Variants in FHIT observed in about 807,000 individuals in gnomAD.
The protein encoded by FHIT is bis(5'-adenosyl)-triphosphatase.
FHIT carries 19 observed loss-of-function variants against 17.9 expected under a neutral mutation model. The observed-to-expected ratio is 1.06, with a 90% CI of 0.74 to 1.56. The LOEUF is 1.56. FHIT is among the 40% of genes most tolerant of loss of function. FHIT has a pLI of 0.00. For missense variants in FHIT, 248 were observed against 189.2 expected, an observed-to-expected ratio of 1.31 and a Z score of -1.82; for synonymous variants, 81 against 69.7, an observed-to-expected ratio of 1.16 and a Z score of -0.81.
At chr3:61,163,206 A>G (rs1188776740) in intron 2 of FHIT, among the ~76,000 whole-genome samples, 1 of 152,144 alleles carries the variant, frequency 6.6e-6, no homozygotes, top group Non-Finnish European at 1.5e-5. Context: ...GCACAATTAT[A>G]GCCTCCATAA....
chr3:59,800,871 G>A (rs1699966095), intron 8 of FHIT, among the ~76,000 whole-genome samples: 1 of 152,134 alleles, frequency 6.6e-6, no homozygotes, highest in Non-Finnish European at 1.5e-5. Context: ...AGAGGGAAGG[G>A]AAGAAGAAAA....
rs3038041 is a variant in FHIT at position 60,732,684 on chromosome 3, C to CTTTTT, written c.-18+89230_-18+89234dup. The stretch of plus-strand genomic sequence containing the variant: ...GCAGTGGCAGCGTCTGCAAAGACTG[C>CTTTTT]TTTTTTTTTTTTTTTTTTTTTTGAC... On this transcript the variant is annotated intron_variant, in intron 4 of 9. Coordinates refer to ENST00000492590, the MANE Select transcript of FHIT (RefSeq NM_002012.4). The CTTTTT allele has an allele frequency of 7.9e-3, 1,400 of 178,310 alleles. 7 individuals carry two copies. The highest frequency in any genetic ancestry group is 9.7e-3 in the Non-Finnish European group (954 of 98,652). 11.0% of individuals were successfully genotyped at this position (178,310 alleles called of 1,614,324 possible). A position where few individuals can be genotyped will look rare whatever the true frequency, so the allele number is the denominator to read the frequency against.
intron 2 of FHIT, among the ~76,000 whole-genome samples, chr3:61,042,888 G>C (rs1216958727): frequency 6.6e-6 from 1 of 152,124 alleles, no homozygotes; most frequent in Non-Finnish European, 1.5e-5. Flanking sequence ...AGGATACCTG[G>C]AGTTCCCACT....
chr3:59,845,470 T>G (rs1481226425), intron 8 of FHIT, among the ~76,000 whole-genome samples: 1 of 152,136 alleles, frequency 6.6e-6, no homozygotes, highest in African/African-American at 2.4e-5. Flanking sequence ...GGATATGTTG[T>G]GTTTTTGTTT....
At chr3:60,902,200 T>C (rs1553763340) in intron 3 of FHIT, among the ~76,000 whole-genome samples, 2 of 152,198 alleles carry the variant, frequency 1.3e-5, no homozygotes, top group Non-Finnish European at 2.9e-5. Flanking sequence ...CTCTGGCAAC[T>C]GCTGATTTGT....
At chr3:59,860,088 G>A (rs1032764075) in intron 8 of FHIT, among the ~76,000 whole-genome samples, 3 of 152,166 alleles carry the variant, frequency 2.0e-5, no homozygotes, top group African/African-American at 7.2e-5. Flanking sequence ...GGATACCGCA[G>A]TTCTTGCTAC....
At chr3:61,244,993 TCTC>T (rs1484157005) in intron 1 of FHIT, among the ~76,000 whole-genome samples, 51 of 152,220 alleles carry the variant, frequency 3.4e-4, no homozygotes, top group African/African-American at 1.1e-3. Flanking sequence ...AAAAGATACT[TCTC>T]CTCCCCGACC....
At chr3:60,438,810 T>A (rs1203333712) in intron 5 of FHIT, among the ~76,000 whole-genome samples, 3 of 152,140 alleles carry the variant, frequency 2.0e-5, no homozygotes, top group Admixed American at 6.6e-5. Flanking sequence ...CATAATGATG[T>A]CCGTGGTACC....
chr3:60,969,797 C>T (rs931977749), intron 3 of FHIT, among the ~76,000 whole-genome samples: 1 of 152,068 alleles, frequency 6.6e-6, no homozygotes, highest in African/African-American at 2.4e-5. Flanking sequence ...TTGGTTGTTG[C>T]AGTGTTCTAT....
intron 5 of FHIT, among the ~76,000 whole-genome samples, chr3:60,074,305 T>C (rs2450226): frequency 2.0e-5 from 3 of 152,008 alleles, no homozygotes; most frequent in Non-Finnish European, 4.4e-5. Flanking sequence ...GGAACAAAGG[T>C]TGGAAGTTTT....
At chr3:60,996,689 T>G (rs1233558253) in intron 3 of FHIT, among the ~76,000 whole-genome samples, 1 of 152,196 alleles carries the variant, frequency 6.6e-6, no homozygotes, top group African/African-American at 2.4e-5. Flanking sequence ...ATATGGCGAT[T>G]TTTTTCCTTT....
intron 8 of FHIT, among the ~76,000 whole-genome samples, chr3:59,786,098 A>G (rs1254750681): frequency 6.6e-6 from 1 of 152,198 alleles, no homozygotes; most frequent in Non-Finnish European, 1.5e-5. Flanking sequence ...AATGGGGGTA[A>G]GGAGGGAAAC....
At chr3:61,242,022 G>T (rs1288982476) in intron 1 of FHIT, among the ~76,000 whole-genome samples, 2 of 152,148 alleles carry the variant, frequency 1.3e-5, no homozygotes. Flanking sequence ...GGGCAGAAAG[G>T]TTCAGGAAAT....
chr3:59,789,188 A>C (rs1797563), intron 8 of FHIT, among the ~76,000 whole-genome samples: 1 of 152,124 alleles, frequency 6.6e-6, no homozygotes, highest in African/African-American at 2.4e-5. Context: ...CCAACTTTTT[A>C]AAGCCCAGAT....
intron 4 of FHIT, among the ~76,000 whole-genome samples, chr3:60,718,093 G>A (rs2041727867): frequency 6.6e-6 from 1 of 152,080 alleles, no homozygotes; most frequent in South Asian, 2.1e-4. Context: ...CCAACATCTT[G>A]AAATTTATTT....
chr3:59,796,169 C>A (rs1044117429), intron 8 of FHIT, among the ~76,000 whole-genome samples: 1 of 152,232 alleles, frequency 6.6e-6, no homozygotes, highest in African/African-American at 2.4e-5. Context: ...AGGCAAGATG[C>A]GGTATGTCTA....
intron 5 of FHIT, among the ~76,000 whole-genome samples, chr3:60,378,216 C>T (rs1347608983): frequency 7.3e-5 from 11 of 151,638 alleles, no homozygotes; most frequent in Non-Finnish European, 1.5e-4. Context: ...TTAGTAGAGA[C>T]GGGGTTTCAC....
At chr3:60,156,024 G>T (rs914145855) in intron 5 of FHIT, among the ~76,000 whole-genome samples, 2 of 152,070 alleles carry the variant, frequency 1.3e-5, no homozygotes, top group Non-Finnish European at 2.9e-5. Context: ...TGCAAGATTG[G>T]AACTGTTTCC....
chr3:60,046,438 T>C (rs1701656206), intron 5 of FHIT, among the ~76,000 whole-genome samples: 1 of 152,216 alleles, frequency 6.6e-6, no homozygotes, highest in Admixed American at 6.5e-5. Context: ...CAAGCTGGAA[T>C]TGAAGAGGGC....
Sources: gnomAD v4.1 joint callset for allele counts (sites outside exome capture counted in the v4.1 genomes callset) on GRCh38, gnomAD v4.1.1 for gene constraint, MANE v1.5 for transcripts, NCBI Gene and HGNC (gene_info 2026-07-23, HGNC 2026-07-21) for gene names.